The following NEDD4L variants were observed in gnomAD, a reference collection of about 807,000 sequenced individuals.
NEDD4L encodes NEDD4 like E3 ubiquitin protein ligase, also known as E3 ubiquitin-protein ligase NEDD4-like.
NEDD4L carries 54 observed loss-of-function variants against 148.9 expected under a neutral mutation model. The ratio of observed to expected loss-of-function variants is 0.36; its 90% CI spans 0.29 to 0.45. The LOEUF is 0.45. Ranked by LOEUF, NEDD4L falls within the 20% of genes least tolerant of loss-of-function variation. The pLI, the probability that NEDD4L is intolerant of heterozygous loss-of-function variation, is 1.00. For synonymous variants in NEDD4L, 433 were observed against 440.7 expected (o/e 0.98, Z 0.22); for missense variants, 856 against 1,233.8 (o/e 0.69, Z 4.59).
At chr18:58,152,284 A>G (rs17693882) in intron 1 of NEDD4L, among the ~76,000 whole-genome samples, 41,669 of 152,010 alleles carry the variant, frequency 0.27, 6,306 homozygotes, top group Middle Eastern at 0.35. Context: ...AACACTCAGG[A>G]CCTGTTCAGT....
intron 1 of NEDD4L, among the ~76,000 whole-genome samples, chr18:58,075,890 C>T (rs1028665695): frequency 6.6e-6 from 1 of 152,064 alleles, no homozygotes; most frequent in Non-Finnish European, 1.5e-5. Flanking sequence ...GATTGCACCA[C>T]GGCACTCCAG....
At chr18:58,248,210 G>T (rs963159686) in intron 3 of NEDD4L, among the ~76,000 whole-genome samples, 1 of 152,174 alleles carries the variant, frequency 6.6e-6, no homozygotes, top group Non-Finnish European at 1.5e-5. Context: ...AGTTTTGGGG[G>T]ATATCTGGCA....
At chr18:58,141,633 A>C (rs2033517287) in intron 1 of NEDD4L, among the ~76,000 whole-genome samples, 1 of 152,182 alleles carries the variant, frequency 6.6e-6, no homozygotes, top group Non-Finnish European at 1.5e-5. Flanking sequence ...CATATGAAGA[A>C]GTTCTGTTTT....
At chr18:58,139,217 G>A (rs2033208060) in intron 1 of NEDD4L, among the ~76,000 whole-genome samples, 1 of 152,168 alleles carries the variant, frequency 6.6e-6, no homozygotes, top group African/African-American at 2.4e-5. Context: ...GCATAGTCTA[G>A]GGCTGGACTT....
At position 58,282,982 on chromosome 18, in the gene NEDD4L, C is replaced by T. The variant is rs541667158; in HGVS notation, c.297+30928C>T. 9.4e-4 allele frequency among the ~76,000 whole-genome samples: 143 copies of T among 152,260 alleles called. 1 individual carries two copies. In the Middle Eastern group the frequency reaches 0.01, roughly 11 times the overall value. On this transcript the variant is annotated intron_variant, in intron 5 of 30. Coordinates refer to ENST00000400345, the MANE Select transcript of NEDD4L (RefSeq NM_001144967.3). ...TCACCAAGAGTCCCCAGGATGATGA[C>T]GGCTAATCCCATTGTGCCTTCACCA... is the stretch of plus-strand genomic sequence containing the variant.
At chr18:58,381,330 A>C (rs1344679488) in intron 24 of NEDD4L, among the ~76,000 whole-genome samples, 1 of 152,078 alleles carries the variant, frequency 6.6e-6, no homozygotes, top group African/African-American at 2.4e-5. Context: ...CTTTTGGAGG[A>C]AGCAGAGTGT....
chr18:58,250,094 C>T (rs988654887), intron 4 of NEDD4L, among the ~76,000 whole-genome samples: 2 of 152,178 alleles, frequency 1.3e-5, no homozygotes, highest in Admixed American at 6.5e-5. Flanking sequence ...TGGCAGTAGG[C>T]ACATTTAAGT....
chr18:58,231,689 A>T (rs1187784434), intron 2 of NEDD4L, among the ~76,000 whole-genome samples: 2 of 152,082 alleles, frequency 1.3e-5, no homozygotes, highest in African/African-American at 4.8e-5. Flanking sequence ...CAGCCTCCCA[A>T]GTAGCTGGGA....
chr18:58,290,385 T>C (rs2054549898), intron 5 of NEDD4L, among the ~76,000 whole-genome samples: 1 of 152,226 alleles, frequency 6.6e-6, no homozygotes, highest in African/African-American at 2.4e-5. Context: ...TTGATTATAC[T>C]TCACAAATGT....
intron 1 of NEDD4L, among the ~76,000 whole-genome samples, chr18:58,061,702 AG>A (rs1374702520): frequency 1.3e-5 from 2 of 152,190 alleles, no homozygotes; most frequent in Non-Finnish European, 2.9e-5. Context: ...GTTATAATTA[AG>A]GTAAAATGTA....
chr18:58,339,784 C>A (rs963724389), intron 13 of NEDD4L, among the ~76,000 whole-genome samples: 1 of 152,140 alleles, frequency 6.6e-6, no homozygotes, highest in African/African-American at 2.4e-5. Flanking sequence ...CTTGTTGGTG[C>A]TTTCTCTAAT....
chr18:58,364,858 A>G (rs1377580687), intron 20 of NEDD4L, among the ~76,000 whole-genome samples: 2 of 152,226 alleles, frequency 1.3e-5, no homozygotes, highest in Non-Finnish European at 2.9e-5. Flanking sequence ...TAGAAACTCT[A>G]AAAATTTTTA....
At chr18:58,094,812 G>A (rs941281609) in intron 1 of NEDD4L, among the ~76,000 whole-genome samples, 1 of 151,624 alleles carries the variant, frequency 6.6e-6, no homozygotes, top group African/African-American at 2.4e-5. Flanking sequence ...TGAAGGTATG[G>A]GCTAGAAGAC....
intron 5 of NEDD4L, among the ~76,000 whole-genome samples, chr18:58,294,774 G>A (rs747675986): frequency 2.0e-5 from 3 of 151,910 alleles, no homozygotes; most frequent in Non-Finnish European, 2.9e-5. Context: ...TCCTGCCTCA[G>A]CCTCCCAAAG....
At position 58,399,480 on chromosome 18, in the gene NEDD4L, G is replaced by C. The variant is rs2050713571; in HGVS notation, c.*3211G>C. On this transcript the variant is annotated 3_prime_UTR_variant, in exon 31 of 31. Transcript: ENST00000400345. ...ATTATTTCTCCCATGTAAGGACAAA[G>C]GGACAGATTATTATTGTTATTTCTG... is the stretch of plus-strand genomic sequence containing the variant. 1 of 152,158 alleles carries C rather than the reference G, an allele frequency of 6.6e-6. No individual in the cohort carries two copies. Among genetic ancestry groups the C allele is most frequent in the East Asian group, 1.9e-4 (1 of 5,190 alleles). The allele number at this position is 152,158 out of a possible 1,614,324, so 9.4% of individuals were successfully genotyped here.
intron 2 of NEDD4L, among the ~76,000 whole-genome samples, chr18:58,226,694 C>A (rs141779019): frequency 6.6e-6 from 1 of 152,304 alleles, no homozygotes. Flanking sequence ...TGCTAATAGC[C>A]TCGGCTCACC....
intron 2 of NEDD4L, among the ~76,000 whole-genome samples, chr18:58,181,161 A>G (rs925717778): frequency 6.6e-6 from 1 of 152,356 alleles, no homozygotes. Flanking sequence ...TAAAGTAGAT[A>G]ATACATAGTC....
At chr18:58,375,188 G>A (rs948018684) in intron 24 of NEDD4L, among the ~76,000 whole-genome samples, 22 of 151,858 alleles carry the variant, frequency 1.4e-4, no homozygotes, top group Admixed American at 2.0e-4. Flanking sequence ...GTGACTCCCC[G>A]TCCTTGGCAC....
chr18:58,384,503 T>A (rs2048754976), intron 25 of NEDD4L, among the ~76,000 whole-genome samples: 1 of 152,240 alleles, frequency 6.6e-6, no homozygotes. Context: ...TAAAAAATAT[T>A]CTAGCTCAGG....
Sources: allele counts gnomAD v4.1 joint callset (sites outside exome capture counted in the v4.1 genomes callset), GRCh38; gene constraint gnomAD v4.1.1; transcripts MANE v1.5; gene names NCBI Gene and HGNC (gene_info 2026-07-23, HGNC 2026-07-21).